Variants in NXPH2 observed in about 807,000 individuals in gnomAD.
NXPH2 encodes the protein neurexophilin-2.
NXPH2 carries 5 observed loss-of-function variants against 19.8 expected under a neutral mutation model. The ratio of observed to expected loss-of-function variants is 0.25; its 90% confidence interval spans 0.13 to 0.53. The LOEUF (loss-of-function observed/expected upper bound fraction) is 0.53. NXPH2 is among the 20% of genes least tolerant of loss of function. The probability of loss-of-function intolerance (pLI) is 0.96; values close to 1 mark genes in which losing one functional copy is unlikely to be tolerated. For missense variants in NXPH2, 289 were observed against 322.8 expected, an observed-to-expected ratio of 0.90 and a Z score of 0.80; for synonymous variants, 154 against 127.4, an observed-to-expected ratio of 1.21 and a Z score of -1.41.
intron 1 of NXPH2, among the ~76,000 whole-genome samples, chr2:138,761,373 G>A (rs758840554): frequency 2.3e-4 from 35 of 152,014 alleles, no homozygotes; most frequent in Non-Finnish European, 3.7e-4. Flanking sequence ...CCATTTCCCC[G>A]GTCAGGTCCC....
At chr2:138,729,567 C>G (rs567174948) in intron 1 of NXPH2, among the ~76,000 whole-genome samples, 10 of 152,290 alleles carry the variant, frequency 6.6e-5, no homozygotes, top group Non-Finnish European at 1.5e-4. Flanking sequence ...TCCTATTTAG[C>G]CTTCTAAAAT....
chr2:138,715,413 G>A (rs934493103), intron 1 of NXPH2, among the ~76,000 whole-genome samples: 2 of 152,210 alleles, frequency 1.3e-5, no homozygotes, highest in African/African-American at 4.8e-5. Flanking sequence ...GTCATAATGT[G>A]TGTCCATACA....
intron 1 of NXPH2, among the ~76,000 whole-genome samples, chr2:138,716,707 C>T (rs1338648310): frequency 1.3e-5 from 2 of 152,140 alleles, no homozygotes; most frequent in Non-Finnish European, 2.9e-5. Context: ...ACTGATGTAG[C>T]TATTGTTTCT....
chr2:138,725,756 T>G (rs1389472490), intron 1 of NXPH2, among the ~76,000 whole-genome samples: 5 of 152,194 alleles, frequency 3.3e-5, no homozygotes, highest in African/African-American at 1.2e-4. Context: ...GCTTCAGTGA[T>G]CAGTGGCTTT....
chr2:138,706,239 T>G (rs1681006783), intron 1 of NXPH2, among the ~76,000 whole-genome samples: 1 of 152,252 alleles, frequency 6.6e-6, no homozygotes, highest in Non-Finnish European at 1.5e-5. Context: ...GGTATTATTC[T>G]ACTATCCTTA....
chr2:138,726,519 A>AACAC lies in NXPH2; in HGVS notation c.51+53668_51+53671dup, dbSNP rs57428467. ...CTTTTTGGAAAAAAGTAAAAAAAGA[A>AACAC]ACACACACACACACACACACACACA... On this transcript the variant is annotated intron_variant, in intron 1 of 1. Transcript: ENST00000272641. Among the ~76,000 whole-genome samples, 1,189 of 146,548 alleles carry AACAC rather than the reference A, an allele frequency of 8.1e-3. 14 individuals are homozygous for AACAC. The highest frequency in any genetic ancestry group is 0.019 in the African/African-American group (734 of 39,534).
intron 1 of NXPH2, among the ~76,000 whole-genome samples, chr2:138,722,716 G>A (rs532835334): frequency 6.6e-6 from 1 of 152,346 alleles, no homozygotes; most frequent in Non-Finnish European, 1.5e-5. Flanking sequence ...TCTAGATAAC[G>A]TTTAGAAGGT....
At chr2:138,720,189 A>T (rs184713204) in intron 1 of NXPH2, among the ~76,000 whole-genome samples, 98 of 152,312 alleles carry the variant, frequency 6.4e-4, no homozygotes, top group African/African-American at 2.3e-3. Flanking sequence ...GCAGAGGTCA[A>T]TCGCCACCAC....
chr2:138,672,194 G>T (rs1054958551), intron 1 of NXPH2, among the ~76,000 whole-genome samples: 8 of 152,032 alleles, frequency 5.3e-5, no homozygotes, highest in South Asian at 2.1e-4. Context: ...CTCAAACTCT[G>T]TAACAAAAAA....
chr2:138,707,406 T>G (rs557698289), intron 1 of NXPH2, among the ~76,000 whole-genome samples: 1 of 152,266 alleles, frequency 6.6e-6, no homozygotes, highest in Non-Finnish European at 1.5e-5. Flanking sequence ...AAGTTTCATG[T>G]ATGTTGGATA....
chr2:138,744,818 T>C (rs986374879), intron 1 of NXPH2, among the ~76,000 whole-genome samples: 6 of 152,330 alleles, frequency 3.9e-5, no homozygotes, highest in Admixed American at 6.5e-5. Flanking sequence ...ACTTCTTCCC[T>C]GCCTAGACAA....
Position 138,671,536 on chromosome 2 carries a change from T to C in NXPH2, c.181A>G (p.Lys61Glu). 2 of 1,614,006 alleles carry C rather than the reference T, an allele frequency of 1.2e-6. No homozygotes were observed. Among genetic ancestry groups the C allele is most frequent in the Non-Finnish European group, 1.7e-6 (2 of 1,179,876 alleles). The change falls in exon 2 of 2, where the codon AAA (lysine) becomes GAA (glutamate). Residue 61 changes from lysine (K) to glutamate (E), a missense_variant. By Grantham distance (56) the Lys-to-Glu change is moderately conservative. Coordinates refer to ENST00000272641, the MANE Select transcript of NXPH2 (RefSeq NM_007226.3). The part of the protein sequence containing the change: ...RIISPLRLFV[K>E]QSPVPKPGPM... ...CCGGGCTTGGGCACCGGAGACTGTT[T>C]AACAAACAGGCGCAGGGGACTGATG...
At chr2:138,754,347 C>T (rs1681868442) in intron 1 of NXPH2, among the ~76,000 whole-genome samples, 1 of 152,164 alleles carries the variant, frequency 6.6e-6, no homozygotes, top group Non-Finnish European at 1.5e-5. Context: ...CAAACCTTCC[C>T]CTTCCCTCTG....
At chr2:138,772,476 T>C (rs1035756234) in intron 1 of NXPH2, among the ~76,000 whole-genome samples, 4 of 152,126 alleles carry the variant, frequency 2.6e-5, no homozygotes, top group African/African-American at 7.2e-5. Context: ...TTGTATTTTT[T>C]AGTAGAGACG....
chr2:138,738,076 C>T (rs560502121), intron 1 of NXPH2, among the ~76,000 whole-genome samples: 1 of 142,732 alleles, frequency 7.0e-6, no homozygotes, highest in South Asian at 2.4e-4. Context: ...CTCCCCCCAC[C>T]CCACAACAGG....
chr2:138,770,014 T>A (rs1399966228), intron 1 of NXPH2, among the ~76,000 whole-genome samples: 1 of 152,130 alleles, frequency 6.6e-6, no homozygotes, highest in African/African-American at 2.4e-5. Flanking sequence ...TACAGAAACA[T>A]GCATAATTTT....
intron 1 of NXPH2, among the ~76,000 whole-genome samples, chr2:138,759,937 G>A (rs970748934): frequency 2.6e-5 from 4 of 152,058 alleles, no homozygotes; most frequent in Non-Finnish European, 2.9e-5. Flanking sequence ...CACCATGTTA[G>A]CCAGGATGGA....
At chr2:138,765,773 A>C (rs1245141844) in intron 1 of NXPH2, among the ~76,000 whole-genome samples, 1 of 152,212 alleles carries the variant, frequency 6.6e-6, no homozygotes, top group Non-Finnish European at 1.5e-5. Context: ...GTTTGTGATA[A>C]ACTCTTTGAA....
intron 1 of NXPH2, among the ~76,000 whole-genome samples, chr2:138,771,564 A>G (rs182375496): frequency 1.3e-3 from 193 of 152,316 alleles, no homozygotes; most frequent in African/African-American, 3.8e-3. Flanking sequence ...TTGATTTAAA[A>G]CAGAAGCACT....
Sources: allele counts gnomAD v4.1 joint callset (sites outside exome capture counted in the v4.1 genomes callset), GRCh38; gene constraint gnomAD v4.1.1; transcripts MANE v1.5; gene names NCBI Gene and HGNC (gene_info 2026-07-23, HGNC 2026-07-21).